The following ADAMTS16 variants were observed in gnomAD, a reference collection of about 807,000 sequenced individuals.
The protein encoded by ADAMTS16 is A disintegrin and metalloproteinase with thrombospondin motifs 16.
Under a neutral mutation model 145.8 loss-of-function variants are expected in ADAMTS16, and 94 were observed. That is an observed-to-expected ratio of 0.64 (90% CI 0.55 to 0.77). ADAMTS16 has a LOEUF of 0.77. Among genes scored for constraint, ADAMTS16 ranks in the 30% least tolerant of loss-of-function variants. The probability of loss-of-function intolerance (pLI) is 0.00; values close to 1 mark genes in which losing one functional copy is unlikely to be tolerated. For missense variants in ADAMTS16, 1,585 were observed against 1,591.5 expected (o/e 1.00, Z 0.07); for synonymous variants, 659 against 604.3 (o/e 1.09, Z -1.33).
At chr5:5,281,515 C>T (rs56308014) in intron 18 of ADAMTS16, among the ~76,000 whole-genome samples, 79,508 of 152,048 alleles carry the variant, frequency 0.52, 22,576 homozygotes, top group East Asian at 0.79. Context: ...AACTTCATTG[C>T]ATAACACAAA....
intron 18 of ADAMTS16, among the ~76,000 whole-genome samples, chr5:5,277,387 A>C (rs1738742457): frequency 1.3e-5 from 2 of 152,144 alleles, no homozygotes; most frequent in Admixed American, 1.3e-4. Flanking sequence ...ATGGCCCCTG[A>C]GCTATAGGGC....
chr5:5,284,436 T>C (rs1476803368), intron 18 of ADAMTS16, among the ~76,000 whole-genome samples: 1 of 152,236 alleles, frequency 6.6e-6, no homozygotes, highest in African/African-American at 2.4e-5. Context: ...GTTGTTCAGG[T>C]TGAATTGTCT....
chr5:5,243,288 G>A lies in ADAMTS16; in HGVS notation c.2662+1097G>A, dbSNP rs570869534. On this transcript the variant is annotated intron_variant, in intron 17 of 22. Transcript: ENST00000274181. ...AATGACTGAATGAAATACTGTCTTA[G>A]GAAAAACATGACTACCTTCTGCACA... Among the ~76,000 whole-genome samples, 60 of 152,288 alleles carry A rather than the reference G, an allele frequency of 3.9e-4. 1 individual carries two copies. The highest frequency in any genetic ancestry group is 4.1e-4 in the Non-Finnish European group (28 of 68,026).
At chr5:5,184,948 C>T (rs753581779) in intron 4 of ADAMTS16, among the ~76,000 whole-genome samples, 8 of 152,038 alleles carry the variant, frequency 5.3e-5, no homozygotes, top group Admixed American at 2.0e-4. Context: ...AAGCTATTTC[C>T]GACACTTTCG....
At chr5:5,207,597 C>T (rs901133811) in intron 9 of ADAMTS16, among the ~76,000 whole-genome samples, 2 of 151,984 alleles carry the variant, frequency 1.3e-5, no homozygotes, top group Non-Finnish European at 2.9e-5. Context: ...TAAGAGGAGT[C>T]ATTCTTATTT....
rs57855756 is a variant in ADAMTS16 at position 5,297,256 on chromosome 5, G to T, written c.2790-6012G>T. On this transcript the variant is annotated intron_variant, in intron 18 of 22. Transcript: ENST00000274181. ...GTAAGCAATGGCGTATATGGCTGTGGATCACAGCAGAGAGGATGCAGGAGT... is the reference window on the plus strand; with the variant it reads ...GTAAGCAATGGCGTATATGGCTGTGTATCACAGCAGAGAGGATGCAGGAGT... 3.3e-3 allele frequency among the ~76,000 whole-genome samples: 500 copies of T among 152,270 alleles called. 4 individuals carry two copies. The highest frequency in any genetic ancestry group is 0.012 in the African/African-American group (483 of 41,552).
At chr5:5,277,108 A>T (rs1478503283) in intron 18 of ADAMTS16, among the ~76,000 whole-genome samples, 2 of 152,162 alleles carry the variant, frequency 1.3e-5, no homozygotes, top group South Asian at 4.1e-4. Flanking sequence ...AGAATTTGTG[A>T]TTTTCAATGA....
chr5:5,199,869 C>T (rs1735908718), intron 8 of ADAMTS16, among the ~76,000 whole-genome samples: 1 of 152,192 alleles, frequency 6.6e-6, no homozygotes, highest in African/African-American at 2.4e-5. Flanking sequence ...CCCTCCACCC[C>T]ATTCAATACG....
intron 10 of ADAMTS16, among the ~76,000 whole-genome samples, chr5:5,215,473 C>T (rs1027668762): frequency 4.6e-5 from 7 of 151,952 alleles, no homozygotes; most frequent in Non-Finnish European, 1.0e-4. Flanking sequence ...ATATTTGTAG[C>T]CTTTTATCCC....
At chr5:5,318,343 G>A (rs1734143049) in intron 22 of ADAMTS16, 62 bp downstream of exon 22, 2 of 1,346,814 alleles carry the variant, frequency 1.5e-6, no homozygotes, top group Admixed American at 2.9e-5. Flanking sequence ...GGTTTCTGGA[G>A]CAGTTCCTTG....
intron 15 of ADAMTS16, 65 bp downstream of exon 15, chr5:5,239,339 G>A: frequency 6.7e-7 from 1 of 1,499,404 alleles, no homozygotes; most frequent in Non-Finnish European, 8.9e-7. Flanking sequence ...CTTCTTAGCA[G>A]AGCTTGAGGT....
chr5:5,299,871 A>G (rs1739701081), intron 18 of ADAMTS16, among the ~76,000 whole-genome samples: 1 of 152,252 alleles, frequency 6.6e-6, no homozygotes. Flanking sequence ...GCAACTGAAC[A>G]CAGCTTGTTA....
chr5:5,251,048 G>T (rs772917037), intron 17 of ADAMTS16, among the ~76,000 whole-genome samples: 7 of 152,108 alleles, frequency 4.6e-5, no homozygotes, highest in Non-Finnish European at 1.0e-4. Flanking sequence ...AAGCCTGCCC[G>T]GGGCGTCAGC....
At chr5:5,142,902 C>G (rs913218345) in intron 2 of ADAMTS16, among the ~76,000 whole-genome samples, 1 of 152,074 alleles carries the variant, frequency 6.6e-6, no homozygotes, top group Non-Finnish European at 1.5e-5. Context: ...AATAACACCA[C>G]GCATCTACAA....
At chr5:5,314,579 T>A (rs1023436116) in intron 21 of ADAMTS16, among the ~76,000 whole-genome samples, 3 of 152,240 alleles carry the variant, frequency 2.0e-5, no homozygotes, top group Non-Finnish European at 2.9e-5. Flanking sequence ...TCCTAGTATA[T>A]CACCATCTTT....
chr5:5,308,977 A>G (rs923172176), intron 21 of ADAMTS16, among the ~76,000 whole-genome samples: 7 of 150,716 alleles, frequency 4.6e-5, no homozygotes, highest in African/African-American at 1.7e-4. Context: ...AGCAGATTGG[A>G]TCACATGAAA....
Position 5,190,197 on chromosome 5 carries a change from T to G in ADAMTS16, c.1207+67T>G, listed in dbSNP as rs1479933400. ...TGCACCCCTGGCCGTGACACAGTGT[T>G]GAGTATTTTTGCCCTTGTTCCTTGT... On this transcript the variant is annotated intron_variant, in intron 7 of 22. Coordinates refer to ENST00000274181, the MANE Select transcript of ADAMTS16 (RefSeq NM_139056.4). 5 of 1,469,382 alleles carry G rather than the reference T, an allele frequency of 3.4e-6. No individual in the cohort carries two copies. The East Asian group carries it at 1.2e-4, about 36-fold the overall frequency. The allele number at this position is 1,469,382 out of a possible 1,614,324, so 91.0% of individuals were successfully genotyped here.
chr5:5,261,152 C>T (rs989416043), intron 17 of ADAMTS16, among the ~76,000 whole-genome samples: 7 of 152,174 alleles, frequency 4.6e-5, no homozygotes, highest in African/African-American at 9.7e-5. Flanking sequence ...TGCATCAACT[C>T]GTTTGAGATA....
intron 3 of ADAMTS16, chr5:5,175,966 G>A (rs561702392): frequency 6.6e-6 from 1 of 152,344 alleles, no homozygotes; most frequent in Middle Eastern, 3.4e-3. Flanking sequence ...AGCAATATGA[G>A]GTTAAAACCA....
Sources: gnomAD v4.1 joint callset for allele counts (sites outside exome capture counted in the v4.1 genomes callset) on GRCh38, gnomAD v4.1.1 for gene constraint, MANE v1.5 for transcripts, NCBI Gene and HGNC (gene_info 2026-07-23, HGNC 2026-07-21) for gene names.